The following MCTP1 variants were observed in gnomAD, a reference collection of about 807,000 sequenced individuals.
The protein encoded by MCTP1 is multiple C2 and transmembrane domain-containing protein 1.
A neutral mutation model predicts 120.6 loss-of-function variants in MCTP1; 69 were observed. The observed-to-expected ratio is 0.57, with a 90% CI of 0.47 to 0.70. The LOEUF is 0.70. Among genes scored for constraint, MCTP1 ranks in the 30% least tolerant of loss-of-function variants. MCTP1 has a pLI of 0.00. For synonymous variants in MCTP1, 529 were observed against 493.1 expected (o/e 1.07, Z -0.96); for missense variants, 1,203 against 1,248.8 (o/e 0.96, Z 0.55).
chr5:95,201,107 ATT>A (rs1322346069), intron 1 of MCTP1, among the ~76,000 whole-genome samples: 1 of 152,226 alleles, frequency 6.6e-6, no homozygotes, highest in Non-Finnish European at 1.5e-5. Flanking sequence ...AGGAAATTGT[ATT>A]TTAACACACT....
Position 95,106,264 on chromosome 5 carries a change from C to T in MCTP1, c.721-88780G>A, listed in dbSNP as rs139918456. ...GTCACCTCAGGCCACTGATACTAAA[C>T]GGTTCAGACCAAGACTTGTGCTGAA... is the stretch of plus-strand genomic sequence containing the variant. On this transcript the variant is annotated intron_variant, in intron 1 of 22. Transcript: ENST00000515393. Among the ~76,000 whole-genome samples, 37 of 152,286 alleles carry T rather than the reference C, an allele frequency of 2.4e-4. 1 individual carries two copies. The East Asian group carries it at 3.9e-3, about 16-fold the overall frequency.
At chr5:94,916,943 A>T (rs1810223112) in intron 8 of MCTP1, among the ~76,000 whole-genome samples, 1 of 152,226 alleles carries the variant, frequency 6.6e-6, no homozygotes, top group African/African-American at 2.4e-5. Flanking sequence ...CTATTAATAC[A>T]ATTGTAGACA....
rs370009218 is a variant in MCTP1 at position 94,890,141 on chromosome 5, G to A, written c.1840-1169C>T. On this transcript the variant is annotated intron_variant, in intron 11 of 22. Transcript: ENST00000515393. Reference sequence around the variant, plus strand: ...AGCCTCCTGAGTGGCTAGAACTACCGGCATGTGCAACCATACTTGGTTAAC... The same window carrying A: ...AGCCTCCTGAGTGGCTAGAACTACCAGCATGTGCAACCATACTTGGTTAAC... Among the ~76,000 whole-genome samples, 15 of 151,930 alleles carry A rather than the reference G, an allele frequency of 9.9e-5. No individual in the cohort carries two copies. In the East Asian group the frequency reaches 2.1e-3, roughly 22 times the overall value.
At chr5:95,030,150 G>C (rs934451852) in intron 1 of MCTP1, among the ~76,000 whole-genome samples, 1 of 152,164 alleles carries the variant, frequency 6.6e-6, no homozygotes. Flanking sequence ...TTGTGAACCG[G>C]AAGTCATGAA....
intron 1 of MCTP1, among the ~76,000 whole-genome samples, chr5:95,282,634 T>C (rs1383954955): frequency 6.6e-6 from 1 of 152,222 alleles, no homozygotes; most frequent in Non-Finnish European, 1.5e-5. Flanking sequence ...TATTTGGTCT[T>C]TTTGTCACTA....
intron 1 of MCTP1, among the ~76,000 whole-genome samples, chr5:95,199,406 A>G (rs1750748365): frequency 6.6e-6 from 1 of 152,232 alleles, no homozygotes; most frequent in Non-Finnish European, 1.5e-5. Context: ...CCAATTAAAA[A>G]ATAGGCAGAG....
rs1446108842 is a variant in MCTP1, at chr5:94,706,284, A to G, written c.*1212T>C. On this transcript the variant is annotated 3_prime_UTR_variant, in exon 23 of 23. Coordinates refer to ENST00000515393, the MANE Select transcript of MCTP1 (RefSeq NM_024717.7). ...TTCTCCAGAGTTATGCTCCCTTAGTATACCAGGGAGTGAGATATAAAAACT... is the reference window on the plus strand; with the variant it reads ...TTCTCCAGAGTTATGCTCCCTTAGTGTACCAGGGAGTGAGATATAAAAACT... 3 of 151,696 alleles carry G rather than the reference A, an allele frequency of 2.0e-5. No homozygotes were observed. Among genetic ancestry groups the G allele is most frequent in the Non-Finnish European group, 4.4e-5 (3 of 67,784 alleles). 9.4% of individuals were successfully genotyped at this position (151,696 alleles called of 1,614,324 possible).
At chr5:94,998,876 T>G (rs1189535090) in intron 2 of MCTP1, among the ~76,000 whole-genome samples, 1 of 152,192 alleles carries the variant, frequency 6.6e-6, no homozygotes, top group Non-Finnish European at 1.5e-5. Flanking sequence ...CCAAACCTGA[T>G]GAATACGCAC....
At chr5:94,994,051 C>A (rs557177779) in intron 2 of MCTP1, among the ~76,000 whole-genome samples, 10 of 152,300 alleles carry the variant, frequency 6.6e-5, no homozygotes, top group Admixed American at 5.9e-4. Context: ...TTCTGTCCTC[C>A]TAAGAGCAGC....
chr5:94,974,467 T>TGG (rs1489043501), intron 2 of MCTP1, among the ~76,000 whole-genome samples: 1 of 152,078 alleles, frequency 6.6e-6, no homozygotes, highest in African/African-American at 2.4e-5. Flanking sequence ...GAGGACTGTT[T>TGG]GAGTCTAGGA....
At chr5:95,271,123 G>A (rs1045875533) in intron 1 of MCTP1, among the ~76,000 whole-genome samples, 1 of 152,014 alleles carries the variant, frequency 6.6e-6, no homozygotes, top group African/African-American at 2.4e-5. Flanking sequence ...TATGCTCCTA[G>A]AAAAAGAATA....
chr5:95,113,487 G>T (rs1449344166), intron 1 of MCTP1, among the ~76,000 whole-genome samples: 1 of 152,128 alleles, frequency 6.6e-6, no homozygotes, highest in Non-Finnish European at 1.5e-5. Context: ...GGAGCACACA[G>T]AAATTGTGAG....
chr5:95,246,691 A>G (rs1437308632), intron 1 of MCTP1, among the ~76,000 whole-genome samples: 3 of 152,232 alleles, frequency 2.0e-5, no homozygotes, highest in Non-Finnish European at 4.4e-5. Context: ...AAAGAGACTT[A>G]GACTCCCACA....
intron 1 of MCTP1, among the ~76,000 whole-genome samples, chr5:95,121,085 T>G (rs1028747065): frequency 1.7e-4 from 26 of 152,178 alleles, no homozygotes; most frequent in Admixed American, 1.3e-3. Flanking sequence ...GAGACCATCC[T>G]GGCTAACGCA....
chr5:94,857,495 T>C lies in MCTP1; in HGVS notation c.2436+10838A>G, dbSNP rs1308499393. On this transcript the variant is annotated intron_variant, in intron 17 of 22. Transcript: ENST00000515393. ...AGAGCCATGCATTTGTGACAAACAC[T>C]GATGGAACATTTTTTCTTGTGAATT... 2.0e-5 allele frequency among the ~76,000 whole-genome samples: 3 copies of C among 151,714 alleles called. No individual in the cohort carries two copies. In the Admixed American group the frequency reaches 2.0e-4, roughly 10 times the overall value.
chr5:95,084,049 A>G (rs1275250457), intron 1 of MCTP1, among the ~76,000 whole-genome samples: 3 of 152,154 alleles, frequency 2.0e-5, no homozygotes, highest in Non-Finnish European at 4.4e-5. Context: ...GCATATTCAC[A>G]GAAAAGGGCC....
At chr5:95,031,602 C>T (rs1840314801) in intron 1 of MCTP1, among the ~76,000 whole-genome samples, 1 of 152,136 alleles carries the variant, frequency 6.6e-6, no homozygotes, top group Non-Finnish European at 1.5e-5. Flanking sequence ...GGGAATTCAT[C>T]ACCACAAGAC....
At chr5:95,148,779 T>G (rs911732731) in intron 1 of MCTP1, among the ~76,000 whole-genome samples, 3 of 152,084 alleles carry the variant, frequency 2.0e-5, no homozygotes, top group Non-Finnish European at 2.9e-5. Context: ...AGAATTCCTG[T>G]GTTGATTCTT....
At chr5:94,886,661 A>G (rs571029870) in intron 12 of MCTP1, among the ~76,000 whole-genome samples, 1 of 152,314 alleles carries the variant, frequency 6.6e-6, no homozygotes, top group Admixed American at 6.5e-5. Context: ...TCCTAAATGG[A>G]CGCTAAGTTG....
Sources: gnomAD v4.1 joint callset for allele counts (sites outside exome capture counted in the v4.1 genomes callset) on GRCh38, gnomAD v4.1.1 for gene constraint, MANE v1.5 for transcripts, NCBI Gene and HGNC (gene_info 2026-07-23, HGNC 2026-07-21) for gene names.